The following GALNT14 variants were observed in gnomAD, a reference collection of about 807,000 sequenced individuals.
The protein encoded by GALNT14 is UDP-GalNAc:polypeptide N-acetylgalactosaminyltransferase 14.
GALNT14 carries 60 observed loss-of-function variants against 77.5 expected under a neutral mutation model. The observed-to-expected ratio is 0.77, with a 90% CI of 0.63 to 0.96. The LOEUF is 0.96. Among genes scored for constraint, GALNT14 ranks in the 40% least tolerant of loss-of-function variants. The pLI, the probability that GALNT14 is intolerant of heterozygous loss-of-function variation, is 0.00. For synonymous variants in GALNT14, 280 were observed against 281.7 expected, an observed-to-expected ratio of 0.99 and a Z score of 0.06; for missense variants, 710 against 731.0, an observed-to-expected ratio of 0.97 and a Z score of 0.33.
chr2:30,920,930 G>C (rs1290219671), intron 13 of GALNT14, among the ~76,000 whole-genome samples: 1 of 152,086 alleles, frequency 6.6e-6, no homozygotes, highest in African/African-American at 2.4e-5. Context: ...TTCACACTGT[G>C]GTGACACCAA....
At chr2:31,137,202 T>C (rs1679263296) in intron 1 of GALNT14, among the ~76,000 whole-genome samples, 2 of 152,222 alleles carry the variant, frequency 1.3e-5, no homozygotes, top group South Asian at 4.1e-4. Flanking sequence ...CGGAGAGCCA[T>C]GGGGAAGTTT....
chr2:30,932,551 A>G (rs1665803646), intron 9 of GALNT14, among the ~76,000 whole-genome samples: 1 of 152,234 alleles, frequency 6.6e-6, no homozygotes, highest in African/African-American at 2.4e-5. Context: ...GGAAGAATTC[A>G]TTGTGGAAGT....
chr2:30,909,853 A>T (rs1025490390), downstream of GALNT14, among the ~76,000 whole-genome samples: 60 of 151,872 alleles, frequency 4.0e-4, no homozygotes, highest in African/African-American at 1.4e-3. Context: ...AATGTGGCAC[A>T]TATACACCAT....
At chr2:30,995,613 C>T (rs1669982175) in intron 1 of GALNT14, among the ~76,000 whole-genome samples, 1 of 152,198 alleles carries the variant, frequency 6.6e-6, no homozygotes, top group Non-Finnish European at 1.5e-5. Flanking sequence ...CCTATCTCAG[C>T]TCCCAAGTAG....
At chr2:30,906,355 G>A (rs952764358), downstream of GALNT14, among the ~76,000 whole-genome samples, 3 of 149,506 alleles carry the variant, frequency 2.0e-5, no homozygotes, top group Admixed American at 2.0e-4. Flanking sequence ...ATAAAAGGAT[G>A]GAGGAAGATC....
At chr2:30,965,940 G>A (rs62141362) in intron 3 of GALNT14, among the ~76,000 whole-genome samples, 23,776 of 152,136 alleles carry the variant, frequency 0.16, 1,976 homozygotes, top group East Asian at 0.32. Context: ...GGGCTCTGAG[G>A]CTGCTTCTTC....
At chr2:30,928,050 A>G (rs1293959987) in intron 11 of GALNT14, among the ~76,000 whole-genome samples, 1 of 152,092 alleles carries the variant, frequency 6.6e-6, no homozygotes, top group African/African-American at 2.4e-5. Context: ...CAAGCTAGAG[A>G]GGGAAGGCAG....
chr2:31,063,107 T>C (rs1448334926), intron 1 of GALNT14, among the ~76,000 whole-genome samples: 2 of 152,252 alleles, frequency 1.3e-5, no homozygotes, highest in Non-Finnish European at 2.9e-5. Context: ...CAATTGCTTT[T>C]GGTGTTTTAG....
intron 10 of GALNT14, among the ~76,000 whole-genome samples, chr2:30,930,093 C>T (rs1474450640): frequency 1.3e-5 from 2 of 152,168 alleles, no homozygotes; most frequent in Non-Finnish European, 2.9e-5. Context: ...ACCTTTCCCC[C>T]AAAAGATACA....
intron 13 of GALNT14, among the ~76,000 whole-genome samples, chr2:30,916,017 A>G (rs1179613559): frequency 6.6e-6 from 1 of 152,130 alleles, no homozygotes; most frequent in Non-Finnish European, 1.5e-5. Flanking sequence ...ACCTCCACAA[A>G]CAAGTTTTAT....
At chr2:30,929,100 C>T (rs899331942) in intron 11 of GALNT14, among the ~76,000 whole-genome samples, 2 of 152,170 alleles carry the variant, frequency 1.3e-5, no homozygotes, top group Admixed American at 6.5e-5. Context: ...TCTAGTCCTG[C>T]CTCCTTCCTG....
intron 13 of GALNT14, among the ~76,000 whole-genome samples, chr2:30,913,526 G>A (rs1441708309): frequency 6.6e-6 from 1 of 152,128 alleles, no homozygotes; most frequent in Non-Finnish European, 1.5e-5. Context: ...TGACCTCCAT[G>A]GGCTGCTGAA....
Position 30,942,385 on chromosome 2 carries a change from A to G in GALNT14, c.828-81T>C. 4.9e-6 allele frequency: 5 copies of G among 1,016,184 alleles called. 1 individual carries two copies. The South Asian group carries it at 6.9e-5, about 14-fold the overall frequency. 62.9% of individuals were successfully genotyped at this position (1,016,184 alleles called of 1,614,324 possible). A position where few individuals can be genotyped will look rare whatever the true frequency, so the allele number is the denominator to read the frequency against. ...AAATTCTTCGGCCCCTTGAGTCTGA[A>G]ACACCCATTTCCCATTTGGGGAAAG... On this transcript the variant is annotated intron_variant, in intron 8 of 14. Coordinates refer to ENST00000349752, the MANE Select transcript of GALNT14 (RefSeq NM_024572.4).
intron 1 of GALNT14, among the ~76,000 whole-genome samples, chr2:31,131,805 A>G (rs932056672): frequency 1.3e-5 from 2 of 152,170 alleles, no homozygotes. Context: ...ATGAGTGGAA[A>G]TTAGCACTTT....
chr2:31,038,572 G>A (rs1672907740), intron 1 of GALNT14, among the ~76,000 whole-genome samples: 1 of 152,000 alleles, frequency 6.6e-6, no homozygotes, highest in South Asian at 2.1e-4. Context: ...GGGAGGGGGA[G>A]GGTAGGTGTT....
chr2:30,898,589 C>A, the GALNT14 span, among the ~76,000 whole-genome samples: 1 of 152,192 alleles, frequency 6.6e-6, no homozygotes, highest in South Asian at 2.1e-4. Flanking sequence ...CAGCTGAGAA[C>A]TAGAGGAGCC....
intron 9 of GALNT14, among the ~76,000 whole-genome samples, chr2:30,938,594 A>G (rs1666198146): frequency 6.6e-6 from 1 of 152,250 alleles, no homozygotes; most frequent in Non-Finnish European, 1.5e-5. Context: ...TGAAATGCAC[A>G]TGTAATGATC....
At position 31,079,881 on chromosome 2, in the gene GALNT14, C is replaced by T. The variant is rs141679370; in HGVS notation, c.129+58077G>A. Among the ~76,000 whole-genome samples, 480 of 152,272 alleles carry T rather than the reference C, an allele frequency of 3.2e-3. 4 individuals are homozygous for T. The highest frequency in any genetic ancestry group is 0.011 in the African/African-American group (454 of 41,550). On this transcript the variant is annotated intron_variant, in intron 1 of 14. Coordinates refer to ENST00000349752, the MANE Select transcript of GALNT14 (RefSeq NM_024572.4). ...CCTCTGGTGGTCACTTCCCAGGCAC[C>T]GGACCCTCCTGCTGCTCCCAGGGAA...
the GALNT14 span, among the ~76,000 whole-genome samples, chr2:30,905,175 C>T: frequency 1.3e-5 from 2 of 152,136 alleles, no homozygotes; most frequent in African/African-American, 4.8e-5. Context: ...CAAAGGAACG[C>T]AGTTCCTCAC....
Sources: gnomAD v4.1 joint callset for allele counts (sites outside exome capture counted in the v4.1 genomes callset) on GRCh38, gnomAD v4.1.1 for gene constraint, MANE v1.5 for transcripts, NCBI Gene and HGNC (gene_info 2026-07-23, HGNC 2026-07-21) for gene names.